The following SLC35F4 variants were observed in gnomAD, a reference collection of about 807,000 sequenced individuals.
SLC35F4 encodes chromosome 14 open reading frame 36.
A neutral mutation model predicts 44.2 loss-of-function variants in SLC35F4; 24 were observed. That is an observed-to-expected ratio of 0.54 (90% CI 0.39 to 0.76). SLC35F4 has a LOEUF of 0.76. Ranked by LOEUF, SLC35F4 falls within the 30% of genes least tolerant of loss-of-function variation. SLC35F4 has a pLI of 0.00. For missense variants in SLC35F4, 562 were observed against 586.1 expected (o/e 0.96, Z 0.42); for synonymous variants, 238 against 223.6 (o/e 1.06, Z -0.57).
chr14:57,757,044 G>A (rs2077011011), intron 1 of SLC35F4, among the ~76,000 whole-genome samples: 1 of 152,044 alleles, frequency 6.6e-6, no homozygotes, highest in Non-Finnish European at 1.5e-5. Context: ...GCAATTCTCT[G>A]AGTTTTTCCT....
chr14:57,958,430 T>C (rs1218757727), intron 1 of SLC35F4, among the ~76,000 whole-genome samples: 1 of 152,186 alleles, frequency 6.6e-6, no homozygotes. Context: ...GTTTCATTTA[T>C]ATGAAATGTC....
chr14:57,594,457 C>T (rs1215718622), intron 1 of SLC35F4, among the ~76,000 whole-genome samples: 1 of 141,512 alleles, frequency 7.1e-6, no homozygotes, highest in Non-Finnish European at 1.6e-5. Context: ...GCAACAATCA[C>T]AGTCCTAATG....
chr14:57,674,004 A>G (rs1439052745), intron 1 of SLC35F4, among the ~76,000 whole-genome samples: 2 of 152,128 alleles, frequency 1.3e-5, no homozygotes, highest in African/African-American at 4.8e-5. Context: ...CAGTTATCAT[A>G]CAAATATATT....
rs2072336354 is a variant in SLC35F4 at position 57,623,960 on chromosome 14, C to T, written c.104-29836G>A. 2.6e-5 allele frequency among the ~76,000 whole-genome samples: 4 copies of T among 152,202 alleles called. No individual in the cohort carries two copies. In the South Asian group the frequency reaches 8.3e-4, roughly 32 times the overall value. ...AGAAATAACTAAGATTAGAGCAGAA[C>T]TGAAGGAGATAGAGACACAAAAATC... On this transcript the variant is annotated intron_variant, in intron 1 of 7. Transcript: ENST00000556826.
At chr14:57,621,198 C>T (rs938342426) in intron 1 of SLC35F4, among the ~76,000 whole-genome samples, 3 of 151,138 alleles carry the variant, frequency 2.0e-5, no homozygotes, top group Non-Finnish European at 4.4e-5. Flanking sequence ...ACATTCCATG[C>T]TCATGGGTAG....
At chr14:57,604,292 A>G (rs560925451) in intron 1 of SLC35F4, 2 of 152,366 alleles carry the variant, frequency 1.3e-5, no homozygotes, top group Admixed American at 1.3e-4. Flanking sequence ...AAACAAAAAG[A>G]AATTTAAGAT....
downstream of SLC35F4, among the ~76,000 whole-genome samples, chr14:57,974,767 T>C (rs1881164479): frequency 6.6e-6 from 1 of 152,222 alleles, no homozygotes; most frequent in Admixed American, 6.5e-5. Context: ...ATAGGAATAG[T>C]ATATCTATTT....
At chr14:57,711,748 C>G (rs976787323) in intron 1 of SLC35F4, among the ~76,000 whole-genome samples, 4 of 152,200 alleles carry the variant, frequency 2.6e-5, no homozygotes, top group African/African-American at 9.6e-5. Context: ...TATGATGAGG[C>G]ACAGACTTAT....
chr14:57,764,052 G>A (rs1233266013), intron 1 of SLC35F4, among the ~76,000 whole-genome samples: 2 of 151,984 alleles, frequency 1.3e-5, no homozygotes, highest in African/African-American at 4.8e-5. Flanking sequence ...TTCCTGAGAC[G>A]CCCAAGACAC....
intron 1 of SLC35F4, among the ~76,000 whole-genome samples, chr14:57,948,290 T>C (rs1890071059): frequency 6.6e-6 from 1 of 152,162 alleles, no homozygotes; most frequent in African/African-American, 2.4e-5. Flanking sequence ...AATTTTTCCA[T>C]CTCTTCTAGA....
At position 57,564,036 on chromosome 14, in the gene SLC35F4, A is replaced by G. The variant is rs533100940; in HGVS notation, c.*99T>C. 1.3e-5 allele frequency: 17 copies of G among 1,343,090 alleles called. No homozygotes were observed. The East Asian group carries it at 3.4e-4, about 27-fold the overall frequency. 83.2% of individuals were successfully genotyped at this position (1,343,090 alleles called of 1,614,324 possible). ...CATTATTTCACATATGATTTATCCA[A>G]ATTCAGAGTTAATACTGTCGTTTGA... On this transcript the variant is annotated 3_prime_UTR_variant, in exon 8 of 8. Coordinates refer to ENST00000556826, the MANE Select transcript of SLC35F4 (RefSeq NM_001306087.2).
downstream of SLC35F4, among the ~76,000 whole-genome samples, chr14:57,973,099 A>G (rs1304212483): frequency 6.6e-6 from 1 of 152,228 alleles, no homozygotes; most frequent in East Asian, 1.9e-4. Flanking sequence ...CCATGCAAAC[A>G]GTACCACTGT....
At chr14:57,668,892 TG>T (rs1367023118) in intron 1 of SLC35F4, among the ~76,000 whole-genome samples, 1 of 152,108 alleles carries the variant, frequency 6.6e-6, no homozygotes, top group African/African-American at 2.4e-5. Flanking sequence ...TTGATGGGGA[TG>T]GCATTGAATC....
rs1428040963 is a variant in SLC35F4 at position 57,760,079 on chromosome 14, G to GTGTGATATCCAAAAAATC, written c.103+105626_103+105643dup. On this transcript the variant is annotated intron_variant, in intron 1 of 7. Coordinates refer to ENST00000556826, the MANE Select transcript of SLC35F4 (RefSeq NM_001306087.2). ...TTTGCTTTTGTAGCCTGAGATTTTG[G>GTGTGATATCCAAAAAATC]TGTGATATCCAAAAAATCATTGCCA... Among the ~76,000 whole-genome samples the GTGTGATATCCAAAAAATC allele has an allele frequency of 4.0e-5, 6 of 151,794 alleles. No individual in the cohort carries two copies. The East Asian group carries it at 7.7e-4, about 19-fold the overall frequency.
chr14:57,672,075 T>C (rs1276148470), intron 1 of SLC35F4, among the ~76,000 whole-genome samples: 1 of 152,130 alleles, frequency 6.6e-6, no homozygotes, highest in Non-Finnish European at 1.5e-5. Flanking sequence ...TTCAGACATG[T>C]GGAGTTTGGC....
chr14:57,778,664 A>C lies in SLC35F4; in HGVS notation c.103+87059T>G, dbSNP rs144225063. Reference sequence around the variant, plus strand: ...AGAACGATACACCCCAAACCAATGGAATATATGTTCTTATTGCCATATGGT... The same window carrying C: ...AGAACGATACACCCCAAACCAATGGCATATATGTTCTTATTGCCATATGGT... On this transcript the variant is annotated intron_variant, in intron 1 of 7. Transcript: ENST00000556826. 1.4e-3 allele frequency among the ~76,000 whole-genome samples: 220 copies of C among 152,272 alleles called. 3 individuals are homozygous for C. The highest frequency in any genetic ancestry group is 5.0e-3 in the African/African-American group (208 of 41,550).
chr14:57,866,175 C>T (rs1888147297), upstream of SLC35F4: 1 of 161,042 alleles, frequency 6.2e-6, no homozygotes, highest in Non-Finnish European at 1.4e-5. Flanking sequence ...ATCATTAACC[C>T]TTGCGCGATC....
chr14:57,672,458 G>C (rs1351741642), intron 1 of SLC35F4, among the ~76,000 whole-genome samples: 1 of 152,028 alleles, frequency 6.6e-6, no homozygotes, highest in African/African-American at 2.4e-5. Flanking sequence ...TCTTTCTAAT[G>C]GTTTATTATG....
intron 1 of SLC35F4, among the ~76,000 whole-genome samples, chr14:57,633,745 A>T (rs1055793765): frequency 2.0e-5 from 3 of 152,084 alleles, no homozygotes; most frequent in Non-Finnish European, 4.4e-5. Context: ...ACTATATGTC[A>T]TTTTGAAACC....
Sources: allele counts gnomAD v4.1 joint callset (sites outside exome capture counted in the v4.1 genomes callset), GRCh38; gene constraint gnomAD v4.1.1; transcripts MANE v1.5; gene names NCBI Gene and HGNC (gene_info 2026-07-23, HGNC 2026-07-21).